The following SH3BGR variants were observed in gnomAD, a reference collection of about 807,000 sequenced individuals.
SH3BGR encodes SH3 domain-binding glutamic acid-rich protein.
Under a neutral mutation model 24.5 loss-of-function variants are expected in SH3BGR, and 29 were observed. That is an observed-to-expected ratio of 1.18 (90% CI 0.88 to 1.61). The LOEUF (loss-of-function observed/expected upper bound fraction) is 1.61. SH3BGR is among the 40% of genes most tolerant of loss of function. The pLI is 0.00. For synonymous variants in SH3BGR, 55 were observed against 65.7 expected, an observed-to-expected ratio of 0.84 and a Z score of 0.79; for missense variants, 162 against 205.8, an observed-to-expected ratio of 0.79 and a Z score of 1.30.
intron 2 of SH3BGR, among the ~76,000 whole-genome samples, chr21:39,467,665 A>G (rs996267513): frequency 1.3e-5 from 2 of 152,228 alleles, no homozygotes; most frequent in East Asian, 1.9e-4. Context: ...TAAAATGTAT[A>G]TAACTATTAT....
intron 3 of SH3BGR, among the ~76,000 whole-genome samples, chr21:39,490,877 C>A (rs1032409230): frequency 6.6e-6 from 1 of 152,020 alleles, no homozygotes; most frequent in African/African-American, 2.4e-5. Context: ...GGACTACAGG[C>A]ATGCACCACC....
rs566211666 is a variant in SH3BGR at position 39,508,201 on chromosome 21, A to C, written c.406-797A>C. 2.0e-5 allele frequency among the ~76,000 whole-genome samples: 3 copies of C among 152,340 alleles called. No individual in the cohort carries two copies. The South Asian group carries it at 6.2e-4, about 32-fold the overall frequency. On this transcript the variant is annotated intron_variant, in intron 4 of 6. Transcript: ENST00000333634. ...CTCACTGCCTGAATTGTAAGGCATT[A>C]GGAATTTTTAGGGACTGCTCTCAAG...
intron 2 of SH3BGR, among the ~76,000 whole-genome samples, chr21:39,465,528 G>A (rs990050552): frequency 3.4e-4 from 51 of 152,076 alleles, no homozygotes; most frequent in African/African-American, 1.1e-3. Flanking sequence ...TATCATATAC[G>A]ACTTTGTTTT....
chr21:39,464,514 C>G (rs556170870), intron 2 of SH3BGR, among the ~76,000 whole-genome samples: 2 of 152,174 alleles, frequency 1.3e-5, no homozygotes, highest in Non-Finnish European at 2.9e-5. Context: ...TAAGCCACCG[C>G]GCCCGGCCCA....
At chr21:39,475,074 C>T (rs1173507849) in intron 2 of SH3BGR, 61 bp from the exon 3 acceptor site, 12 of 1,038,428 alleles carry the variant, frequency 1.2e-5, no homozygotes, top group South Asian at 5.6e-5. Flanking sequence ...GATCAGTTTC[C>T]GTAAATAAAC....
chr21:39,468,232 C>T (rs932005115), intron 2 of SH3BGR, among the ~76,000 whole-genome samples: 46 of 152,116 alleles, frequency 3.0e-4, no homozygotes, highest in East Asian at 1.9e-4. Flanking sequence ...CTCAACATAT[C>T]GATGTTACTG....
At chr21:39,512,670 C>T (rs904393869) in intron 6 of SH3BGR, among the ~76,000 whole-genome samples, 7 of 152,060 alleles carry the variant, frequency 4.6e-5, no homozygotes, top group African/African-American at 2.4e-5. Flanking sequence ...CTCATGCCTG[C>T]GGTCCCAGCT....
At chr21:39,464,289 A>G (rs888299140) in intron 2 of SH3BGR, among the ~76,000 whole-genome samples, 3 of 151,984 alleles carry the variant, frequency 2.0e-5, no homozygotes, top group East Asian at 3.9e-4. Context: ...GCAGTGCAGT[A>G]TCAGCTCACT....
chr21:39,512,649 G>A (rs1240748923), intron 6 of SH3BGR, among the ~76,000 whole-genome samples: 1 of 152,118 alleles, frequency 6.6e-6, no homozygotes, highest in Non-Finnish European at 1.5e-5. Context: ...TGCATTAGCC[G>A]GGTGGGGTGG....
At chr21:39,504,581 C>T (rs1448484205) in intron 4 of SH3BGR, among the ~76,000 whole-genome samples, 1 of 152,198 alleles carries the variant, frequency 6.6e-6, no homozygotes, top group African/African-American at 2.4e-5. Flanking sequence ...AGGTTTCTCT[C>T]TTCTGGCTTT....
intron 2 of SH3BGR, among the ~76,000 whole-genome samples, chr21:39,468,149 A>C (rs189928076): frequency 1.3e-5 from 2 of 152,244 alleles, no homozygotes; most frequent in Non-Finnish European, 2.9e-5. Context: ...TAGCAGAGGT[A>C]TGAGTGTCTC....
chr21:39,498,748 A>ATC (rs983231868), intron 3 of SH3BGR, among the ~76,000 whole-genome samples: 3 of 151,072 alleles, frequency 2.0e-5, no homozygotes. Context: ...CTTGGTCCTA[A>ATC]TCTCTCTCTC....
intron 5 of SH3BGR, among the ~76,000 whole-genome samples, chr21:39,509,436 T>C (rs143431805): frequency 7.4e-4 from 113 of 152,140 alleles, no homozygotes; most frequent in African/African-American, 2.6e-3. Context: ...CCTATGTTTA[T>C]GTTTTTGAAC....
chr21:39,458,206 GC>G (rs2077695270), intron 1 of SH3BGR, among the ~76,000 whole-genome samples: 1 of 151,692 alleles, frequency 6.6e-6, no homozygotes, highest in Admixed American at 6.6e-5. Context: ...GGGCTCTTGT[GC>G]TCTGTAAAAC....
chr21:39,462,713 A>G (rs558347670), intron 2 of SH3BGR, among the ~76,000 whole-genome samples, 153 bp downstream of exon 2: 2 of 152,372 alleles, frequency 1.3e-5, no homozygotes. Flanking sequence ...TAGATCCATT[A>G]TGAATAATCA....
intron 3 of SH3BGR, among the ~76,000 whole-genome samples, chr21:39,492,532 G>A (rs1389097045): frequency 6.6e-6 from 1 of 151,052 alleles, no homozygotes; most frequent in Non-Finnish European, 1.5e-5. Flanking sequence ...TGATTGATGG[G>A]CTTTTGGGTT....
intron 3 of SH3BGR, among the ~76,000 whole-genome samples, chr21:39,492,443 G>GGTGT (rs1164205385): frequency 2.3e-3 from 312 of 136,592 alleles, no homozygotes; most frequent in African/African-American, 7.9e-3. Flanking sequence ...AGTTTCCCTT[G>GGTGT]GTGTGTGTGT....
At chr21:39,505,803 T>A (rs1335416515) in intron 4 of SH3BGR, among the ~76,000 whole-genome samples, 1 of 152,172 alleles carries the variant, frequency 6.6e-6, no homozygotes, top group East Asian at 1.9e-4. Context: ...TAGTTGTTGC[T>A]AGCTAACTAT....
chr21:39,448,156 A>AC (rs536844364), upstream of SH3BGR, among the ~76,000 whole-genome samples: 134 of 152,246 alleles, frequency 8.8e-4, no homozygotes, highest in African/African-American at 3.0e-3. Context: ...CTTAGGGCCC[A>AC]CCCTAAATCC....
Sources: gnomAD v4.1 joint callset for allele counts (sites outside exome capture counted in the v4.1 genomes callset) on GRCh38, gnomAD v4.1.1 for gene constraint, MANE v1.5 for transcripts, NCBI Gene and HGNC (gene_info 2026-07-23, HGNC 2026-07-21) for gene names.